ARFIP1: variants seen among roughly 807,000 people sequenced by gnomAD.
ARFIP1 encodes arfaptin-1.
ARFIP1 carries 24 observed loss-of-function variants against 42.5 expected under a neutral mutation model. The observed-to-expected ratio is 0.57, with a 90% confidence interval of 0.41 to 0.80. The LOEUF is 0.80. Ranked by LOEUF, ARFIP1 falls within the 30% of genes least tolerant of loss-of-function variation. The pLI, the probability that ARFIP1 is intolerant of heterozygous loss-of-function variation, is 0.00. For missense variants in ARFIP1, 354 were observed against 434.0 expected, an observed-to-expected ratio of 0.82 and a Z score of 1.64; for synonymous variants, 141 against 153.7, an observed-to-expected ratio of 0.92 and a Z score of 0.61.
intron 1 of ARFIP1, among the ~76,000 whole-genome samples, chr4:152,788,989 T>C (rs866863827): frequency 6.6e-6 from 1 of 151,730 alleles, no homozygotes; most frequent in Admixed American, 6.6e-5. Flanking sequence ...ACTTGTCTGC[T>C]GTTTTTCTCA....
intron 1 of ARFIP1, chr4:152,796,720 T>C (rs1218948495): frequency 1.2e-6 from 1 of 838,682 alleles, no homozygotes; most frequent in East Asian, 2.4e-5. Flanking sequence ...AATCATTTTC[T>C]TTGCCTTCTT....
At chr4:152,869,063 T>C (rs1044496971) in intron 3 of ARFIP1, among the ~76,000 whole-genome samples, 1 of 152,210 alleles carries the variant, frequency 6.6e-6, no homozygotes, top group African/African-American at 2.4e-5. Context: ...TTAACAACAA[T>C]CTATTTAGTT....
At chr4:152,900,161 G>A (rs1366072267) in intron 8 of ARFIP1, among the ~76,000 whole-genome samples, 1 of 151,880 alleles carries the variant, frequency 6.6e-6, no homozygotes, top group Non-Finnish European at 1.5e-5. Context: ...GAAAATGAGA[G>A]AGGGAGAAGG....
At chr4:152,854,329 A>G (rs1175148173) in intron 2 of ARFIP1, among the ~76,000 whole-genome samples, 1 of 152,092 alleles carries the variant, frequency 6.6e-6, no homozygotes, top group Non-Finnish European at 1.5e-5. Context: ...TTCTTTTTTT[A>G]TGATCTTTAT....
chr4:152,789,723 A>G (rs1034256479), intron 1 of ARFIP1, among the ~76,000 whole-genome samples: 1 of 152,148 alleles, frequency 6.6e-6, no homozygotes. Context: ...GTAGTACTTT[A>G]TTACTTTGTT....
intron 2 of ARFIP1, among the ~76,000 whole-genome samples, chr4:152,844,970 CTA>C (rs1490607738): frequency 6.6e-6 from 1 of 152,116 alleles, no homozygotes; most frequent in Non-Finnish European, 1.5e-5. Flanking sequence ...AACTATAAGG[CTA>C]TAGTAACCAA....
At chr4:152,887,852 A>T (rs1483033675) in intron 7 of ARFIP1, among the ~76,000 whole-genome samples, 1 of 151,454 alleles carries the variant, frequency 6.6e-6, no homozygotes, top group Non-Finnish European at 1.5e-5. Context: ...TTTGACATTT[A>T]TTTTTTTTAA....
chr4:152,828,938 G>A (rs1731050575), intron 1 of ARFIP1, among the ~76,000 whole-genome samples: 1 of 152,094 alleles, frequency 6.6e-6, no homozygotes, highest in African/African-American at 2.4e-5. Flanking sequence ...TTTGCATGTG[G>A]ATGTCCAGCA....
intron 2 of ARFIP1, among the ~76,000 whole-genome samples, chr4:152,849,674 G>GGT (rs762446130): frequency 3.9e-5 from 6 of 151,970 alleles, no homozygotes; most frequent in Non-Finnish European, 7.4e-5. Flanking sequence ...GTGGCAGGCA[G>GGT]GTGTGTGTGT....
intron 1 of ARFIP1, among the ~76,000 whole-genome samples, chr4:152,810,827 G>A (rs573280897): frequency 1.3e-4 from 20 of 151,870 alleles, no homozygotes; most frequent in Non-Finnish European, 2.6e-4. Flanking sequence ...AAAAAAAGAT[G>A]GTGTGCTATT....
In ARFIP1 at chr4:152,840,632, G is replaced by C. The variant is rs181177193; in HGVS notation, c.93+10906G>C. ...TTTTACCACTCCTTTAAGTTTATCTGAGTCCTTATGTGTTAGGTGAGTCTC... is the reference window on the plus strand; with the variant it reads ...TTTTACCACTCCTTTAAGTTTATCTCAGTCCTTATGTGTTAGGTGAGTCTC... On this transcript the variant is annotated intron_variant, in intron 2 of 8. Coordinates refer to ENST00000353617, the MANE Select transcript of ARFIP1 (RefSeq NM_001025595.3). 5.3e-5 allele frequency among the ~76,000 whole-genome samples: 8 copies of C among 151,446 alleles called. No individual in the cohort carries two copies. In the East Asian group the frequency reaches 1.4e-3, roughly 26 times the overall value.
At chr4:152,795,122 G>T (rs960762972) in intron 1 of ARFIP1, among the ~76,000 whole-genome samples, 1 of 151,994 alleles carries the variant, frequency 6.6e-6, no homozygotes, top group African/African-American at 2.4e-5. Flanking sequence ...CCCAGGGTAG[G>T]TAACCTATCT....
chr4:152,798,846 A>G (rs1243388105), intron 1 of ARFIP1, among the ~76,000 whole-genome samples: 1 of 152,250 alleles, frequency 6.6e-6, no homozygotes, highest in Non-Finnish European at 1.5e-5. Context: ...TCTAAATTTT[A>G]CTGAACAAAA....
chr4:152,861,713 T>G (rs1175110389), intron 2 of ARFIP1, among the ~76,000 whole-genome samples: 1 of 152,206 alleles, frequency 6.6e-6, no homozygotes, highest in Non-Finnish European at 1.5e-5. Flanking sequence ...CCTTTGCATT[T>G]TGGTTCATGA....
chr4:152,905,641 C>T (rs545538524), intron 8 of ARFIP1, among the ~76,000 whole-genome samples: 1 of 148,202 alleles, frequency 6.7e-6, no homozygotes, highest in South Asian at 2.2e-4. Context: ...CAGTCTCCAC[C>T]TCCCGGGTTC....
intron 2 of ARFIP1, among the ~76,000 whole-genome samples, chr4:152,854,719 G>A (rs1415076417): frequency 6.6e-6 from 1 of 152,214 alleles, no homozygotes; most frequent in Admixed American, 6.5e-5. Context: ...TTCTTTGGCT[G>A]TATACAGCAT....
chr4:152,837,087 G>C (rs1731713559), intron 2 of ARFIP1, among the ~76,000 whole-genome samples: 3 of 152,074 alleles, frequency 2.0e-5, no homozygotes, highest in African/African-American at 7.2e-5. Flanking sequence ...ATCTCATCCA[G>C]GTCACTCCAA....
At chr4:152,825,422 A>C (rs1730753239) in intron 1 of ARFIP1, among the ~76,000 whole-genome samples, 1 of 152,208 alleles carries the variant, frequency 6.6e-6, no homozygotes. Context: ...GATCTTTGAC[A>C]ATGCATACAA....
intron 1 of ARFIP1, among the ~76,000 whole-genome samples, chr4:152,792,458 C>T (rs1223444762): frequency 1.3e-5 from 2 of 152,082 alleles, no homozygotes; most frequent in African/African-American, 4.8e-5. Flanking sequence ...TTTATCTTGT[C>T]TGCTATGGTT....
Sources: gnomAD v4.1 joint callset for allele counts (sites outside exome capture counted in the v4.1 genomes callset) on GRCh38, gnomAD v4.1.1 for gene constraint, MANE v1.5 for transcripts, NCBI Gene and HGNC (gene_info 2026-07-23, HGNC 2026-07-21) for gene names.